Variants in TAFA1 observed in about 807,000 individuals in gnomAD.
The protein encoded by TAFA1 is TAFA chemokine like family member 1, also known as chemokine-like protein TAFA-1.
TAFA1 carries 4 observed loss-of-function variants against 18.5 expected under a neutral mutation model. The ratio of observed to expected loss-of-function variants is 0.22; its 90% CI spans 0.11 to 0.49. The LOEUF (loss-of-function observed/expected upper bound fraction) is 0.49, where lower values mean the gene tolerates loss of function less well. Ranked by LOEUF, TAFA1 falls within the 20% of genes least tolerant of loss-of-function variation. The pLI, the probability that TAFA1 is intolerant of heterozygous loss-of-function variation, is 0.98. For missense variants in TAFA1, 147 were observed against 169.0 expected, an observed-to-expected ratio of 0.87 and a Z score of 0.72; for synonymous variants, 56 against 55.2, an observed-to-expected ratio of 1.01 and a Z score of -0.06.
chr3:68,276,052 A>G (rs1272819524), intron 2 of TAFA1, among the ~76,000 whole-genome samples: 2 of 152,018 alleles, frequency 1.3e-5, no homozygotes, highest in African/African-American at 2.4e-5. Flanking sequence ...CATCTCTACA[A>G]TTACAATACC....
At chr3:68,455,943 A>T (rs1197726907) in intron 3 of TAFA1, among the ~76,000 whole-genome samples, 1 of 152,118 alleles carries the variant, frequency 6.6e-6, no homozygotes, top group Non-Finnish European at 1.5e-5. Flanking sequence ...GGTCCTTATG[A>T]CTCCCTTATA....
At chr3:68,294,943 A>G (rs922925181) in intron 2 of TAFA1, among the ~76,000 whole-genome samples, 1 of 152,150 alleles carries the variant, frequency 6.6e-6, no homozygotes, top group Non-Finnish European at 1.5e-5. Context: ...AGTAGCCACA[A>G]ATGGCCAATG....
intron 2 of TAFA1, among the ~76,000 whole-genome samples, chr3:68,402,761 C>T (rs1352406946): frequency 2.6e-5 from 4 of 152,132 alleles, no homozygotes; most frequent in African/African-American, 7.2e-5. Context: ...CATGCACAGG[C>T]AAAAGCTAAG....
intron 3 of TAFA1, among the ~76,000 whole-genome samples, chr3:68,524,059 A>G (rs1344343402): frequency 1.3e-5 from 2 of 152,320 alleles, no homozygotes; most frequent in East Asian, 3.9e-4. Flanking sequence ...AATGACTTAA[A>G]AGAACAAAAA....
At chr3:68,034,017 A>G (rs757535130) in intron 2 of TAFA1, among the ~76,000 whole-genome samples, 19 of 152,184 alleles carry the variant, frequency 1.2e-4, no homozygotes, top group Non-Finnish European at 1.8e-4. Context: ...CGGAGCAAAG[A>G]TCTTCATTGT....
At chr3:68,139,040 G>A (rs1197247804) in intron 2 of TAFA1, among the ~76,000 whole-genome samples, 3 of 152,128 alleles carry the variant, frequency 2.0e-5, no homozygotes, top group Admixed American at 6.5e-5. Context: ...GTAGAAACAG[G>A]CAGATTGTTT....
intron 2 of TAFA1, among the ~76,000 whole-genome samples, chr3:68,007,378 G>T (rs1342100384): frequency 1.3e-5 from 2 of 151,962 alleles, no homozygotes; most frequent in African/African-American, 4.8e-5. Flanking sequence ...GACGCATTTT[G>T]CTTTCTTCCT....
intron 2 of TAFA1, among the ~76,000 whole-genome samples, chr3:68,405,328 G>T (rs1164195012): frequency 6.6e-6 from 1 of 151,866 alleles, no homozygotes; most frequent in Non-Finnish European, 1.5e-5. Flanking sequence ...AAGAAACATA[G>T]AACAAAAATG....
rs76811907 is a variant in TAFA1, at chr3:68,437,203, A to G, written c.259+19783A>G. Among the ~76,000 whole-genome samples the G allele has an allele frequency of 4.6e-5, 7 of 152,268 alleles. No individual in the cohort carries two copies. The East Asian group carries it at 1.4e-3, about 29-fold the overall frequency. On this transcript the variant is annotated intron_variant, in intron 3 of 4. Coordinates refer to ENST00000478136, the MANE Select transcript of TAFA1 (RefSeq NM_213609.4). ...TAACAGGCAATGCAAAGAGGGAAAC[A>G]AGATTGGTTACAAGATTTAGAATGT...
At chr3:68,281,764 G>A (rs1254318043) in intron 2 of TAFA1, among the ~76,000 whole-genome samples, 1 of 152,064 alleles carries the variant, frequency 6.6e-6, no homozygotes, top group East Asian at 1.9e-4. Context: ...GGTCCCATGG[G>A]AAGTTTTTAC....
rs542037004 is a variant in TAFA1, at chr3:68,401,477, T to C, written c.119-15803T>C. Among the ~76,000 whole-genome samples, 3 of 152,294 alleles carry C rather than the reference T, an allele frequency of 2.0e-5. No individual in the cohort carries two copies. In the East Asian group the frequency reaches 5.8e-4, roughly 29 times the overall value. On this transcript the variant is annotated intron_variant, in intron 2 of 4. Coordinates refer to ENST00000478136, the MANE Select transcript of TAFA1 (RefSeq NM_213609.4). ...GCGCCCTGCTTCAGGCACAGTGGCA[T>C]CAAATAATACTAACATAGTGTCAGG...
In TAFA1 at chr3:68,032,872, G is replaced by A. The variant is rs533586111; in HGVS notation, c.118+26128G>A. On this transcript the variant is annotated intron_variant, in intron 2 of 4. Transcript: ENST00000478136. ...GTGTAAACTAATGATTTGCTCTTGC[G>A]CTTTTCAGTTCTTTTCAATTCTTTT... Among the ~76,000 whole-genome samples, 12 of 152,192 alleles carry A rather than the reference G, an allele frequency of 7.9e-5. No homozygotes were observed. In the East Asian group the frequency reaches 1.5e-3, roughly 20 times the overall value.
chr3:68,504,689 A>G (rs926710591), intron 3 of TAFA1, among the ~76,000 whole-genome samples: 1 of 151,944 alleles, frequency 6.6e-6, no homozygotes, highest in Non-Finnish European at 1.5e-5. Context: ...CCTCACCACA[A>G]ATTTACCATC....
chr3:68,381,135 G>A (rs1424449677), intron 2 of TAFA1, among the ~76,000 whole-genome samples: 5 of 120,870 alleles, frequency 4.1e-5, no homozygotes, highest in African/African-American at 6.3e-5. Context: ...CTATATCTCT[G>A]TTTTGGTACC....
At chr3:68,094,233 TC>T (rs1246346825) in intron 2 of TAFA1, among the ~76,000 whole-genome samples, 1 of 152,130 alleles carries the variant, frequency 6.6e-6, no homozygotes, top group Admixed American at 6.6e-5. Context: ...CATCATGATT[TC>T]CAACTTTGGT....
chr3:68,003,666 T>TG (rs1466206369), upstream of TAFA1, among the ~76,000 whole-genome samples: 11 of 152,182 alleles, frequency 7.2e-5, no homozygotes, highest in Non-Finnish European at 1.2e-4. Flanking sequence ...AACTTCTGAG[T>TG]GTTTTCCCTC....
At chr3:68,388,849 A>G (rs1209316214) in intron 2 of TAFA1, among the ~76,000 whole-genome samples, 2 of 152,146 alleles carry the variant, frequency 1.3e-5, no homozygotes, top group African/African-American at 2.4e-5. Flanking sequence ...CAACATTTCT[A>G]TCATAATAGA....
At chr3:68,285,540 A>G (rs138221662) in intron 2 of TAFA1, among the ~76,000 whole-genome samples, 367 of 152,296 alleles carry the variant, frequency 2.4e-3, no homozygotes, top group Non-Finnish European at 4.0e-3. Context: ...GAATAGATTT[A>G]TTAATATAAG....
intron 2 of TAFA1, among the ~76,000 whole-genome samples, chr3:68,046,204 T>A (rs1163494098): frequency 6.6e-6 from 1 of 152,188 alleles, no homozygotes; most frequent in Non-Finnish European, 1.5e-5. Context: ...ATATTTTTAT[T>A]TAGTTTCTGT....
Sources: allele counts gnomAD v4.1 joint callset (sites outside exome capture counted in the v4.1 genomes callset), GRCh38; gene constraint gnomAD v4.1.1; transcripts MANE v1.5; gene names NCBI Gene and HGNC (gene_info 2026-07-23, HGNC 2026-07-21).